RAP1GAP: variants seen among roughly 807,000 people sequenced by gnomAD.
RAP1GAP encodes RAP1 GTPase activating protein, also known as rap1 GTPase-activating protein 1.
RAP1GAP carries 35 observed loss-of-function variants against 87.2 expected under a neutral mutation model. That is an observed-to-expected ratio of 0.40 (90% CI 0.31 to 0.53). The LOEUF (loss-of-function observed/expected upper bound fraction) is 0.53, where lower values mean the gene tolerates loss of function less well. Among genes scored for constraint, RAP1GAP ranks in the 20% least tolerant of loss-of-function variants. The pLI is 0.48. For synonymous variants in RAP1GAP, 375 were observed against 363.9 expected (o/e 1.03, Z -0.35); for missense variants, 734 against 898.9 (o/e 0.82, Z 2.35).
intron 5 of RAP1GAP, among the ~76,000 whole-genome samples, chr1:21,618,772 G>T (rs538183133): frequency 5.9e-5 from 9 of 152,106 alleles, no homozygotes; most frequent in African/African-American, 1.9e-4. Context: ...AGTGAAGACC[G>T]AGAGGAGGAG....
At chr1:21,597,834 C>T in intron 23 of RAP1GAP, 106 bp from the exon 24 acceptor site, 1 of 1,532,886 alleles carries the variant, frequency 6.5e-7, no homozygotes. Context: ...CGGGCAAGCC[C>T]CACCCCTCCT....
At chr1:21,614,643 C>T (rs1226824621) in intron 7 of RAP1GAP, among the ~76,000 whole-genome samples, 1 of 152,188 alleles carries the variant, frequency 6.6e-6, no homozygotes, top group African/African-American at 2.4e-5. Context: ...CCTCCTGTCT[C>T]ACCTGGAGGA....
intron 1 of RAP1GAP, among the ~76,000 whole-genome samples, chr1:21,660,489 A>G (rs1311962304): frequency 6.6e-6 from 1 of 150,986 alleles, no homozygotes; most frequent in African/African-American, 2.4e-5. Flanking sequence ...ACCCGCCACC[A>G]TGCCCGGCTG....
At chr1:21,612,989 C>T (rs574801059) in intron 10 of RAP1GAP, 187 bp downstream of exon 10, 71 of 664,570 alleles carry the variant, frequency 1.1e-4, no homozygotes, top group African/African-American at 3.4e-4. Flanking sequence ...CTGCTGTGCA[C>T]CCTGGGGGAA....
At chr1:21,665,579 TTC>T (rs1271678235) in intron 1 of RAP1GAP, among the ~76,000 whole-genome samples, 5 of 152,212 alleles carry the variant, frequency 3.3e-5, no homozygotes, top group Non-Finnish European at 7.3e-5. Flanking sequence ...AGTGGGACCT[TTC>T]TGTTTTGGGG....
In RAP1GAP at chr1:21,647,259, GA is replaced by G. The variant is rs1163563022; in HGVS notation, c.-113+2501del. 3.9e-5 allele frequency among the ~76,000 whole-genome samples: 6 copies of G among 152,192 alleles called. No homozygotes were observed. In the East Asian group the frequency reaches 9.7e-4, roughly 25 times the overall value. On this transcript the variant is annotated intron_variant, in intron 2 of 24. Transcript: ENST00000374765. ...GAGGATCACTTGAGCTCAGGAGTTC[GA>G]GACCTGACTGGCCAACATGGTGAGA... is the stretch of plus-strand genomic sequence containing the variant.
At chr1:21,600,877 T>C (rs1377027747) in intron 20 of RAP1GAP, among the ~76,000 whole-genome samples, 1 of 6,164 alleles carries the variant, frequency 1.6e-4, no homozygotes, top group Non-Finnish European at 3.4e-4. Context: ...AGAGCAAGAC[T>C]CTGTCTCAAA....
At chr1:21,649,445 C>T (rs984918320) in intron 2 of RAP1GAP, among the ~76,000 whole-genome samples, 6 of 152,162 alleles carry the variant, frequency 3.9e-5, no homozygotes, top group African/African-American at 1.4e-4. Context: ...GTTCTTTTTA[C>T]CTTACACCCT....
intron 1 of RAP1GAP, among the ~76,000 whole-genome samples, chr1:21,652,136 G>GCCGCAGACCCT (rs901744743): frequency 5.7e-5 from 8 of 140,950 alleles, no homozygotes; most frequent in African/African-American, 2.1e-4. Context: ...CCCCGTCCAG[G>GCCGCAGACCCT]CCGCAGACCC....
At chr1:21,662,074 C>A (rs549091306) in intron 1 of RAP1GAP, among the ~76,000 whole-genome samples, 37 of 152,348 alleles carry the variant, frequency 2.4e-4, no homozygotes, top group South Asian at 2.1e-4. Context: ...CCCATACAGA[C>A]CTCTCAGGAC....
At chr1:21,632,326 G>C (rs576696330) in intron 2 of RAP1GAP, among the ~76,000 whole-genome samples, 2 of 152,264 alleles carry the variant, frequency 1.3e-5, no homozygotes, top group Admixed American at 1.3e-4. Context: ...TCTCTGCATC[G>C]AGGTAACAAT....
chr1:21,615,209 C>G lies in RAP1GAP; in HGVS notation c.292-1120G>C, dbSNP rs532376797. On this transcript the variant is annotated intron_variant, in intron 7 of 24. Coordinates refer to ENST00000374765, the MANE Select transcript of RAP1GAP (RefSeq NM_002885.4). The surrounding 1 kb of genome is among the most constrained non-coding windows in gnomAD (Gnocchi z 4.5). ...CCGGGACACAGTGGGAGAGCGGGCT[C>G]AGGGTCCCAGGAAGTCAACGCCCAA... 9.2e-5 allele frequency among the ~76,000 whole-genome samples: 14 copies of G among 152,292 alleles called. No homozygotes were observed. Among genetic ancestry groups the G allele is most frequent in the African/African-American group, 2.6e-4 (11 of 41,560 alleles).
intron 20 of RAP1GAP, 58 bp from the exon 21 acceptor site, chr1:21,599,675 C>A: frequency 6.4e-7 from 1 of 1,566,250 alleles, no homozygotes. Flanking sequence ...CTGGGCCAGG[C>A]CCTCACTCCC....
Position 21,598,517 on chromosome 1 carries a change from G to A in RAP1GAP, c.1777-15C>T, listed in dbSNP as rs1193617584. On this transcript the variant is annotated splice_polypyrimidine_tract_variant and intron_variant, in intron 21 of 24. Transcript: ENST00000374765. ...GACACGCTCTCCTGGGGAGGGGGTG[G>A]AAAGAGGGAGGGAGGTTAGCCTATG... The A allele has an allele frequency of 1.3e-6, 2 of 1,597,146 alleles. No homozygotes were observed. Among genetic ancestry groups the A allele is most frequent in the African/African-American group, 1.3e-5 (1 of 74,648 alleles).
chr1:21,619,017 C>A lies in RAP1GAP; in HGVS notation c.66+8G>T, dbSNP rs1168685836. Reference sequence around the variant, plus strand: ...TAGAGAGGGAGGCAGACTGCCAGGCCCACCTACTTTGAGGGGCGGCGGGAA... The same window carrying A: ...TAGAGAGGGAGGCAGACTGCCAGGCACACCTACTTTGAGGGGCGGCGGGAA... On this transcript the variant is annotated splice_region_variant and intron_variant, in intron 5 of 24. Coordinates refer to ENST00000374765, the MANE Select transcript of RAP1GAP (RefSeq NM_002885.4). 2 of 1,594,868 alleles carry A rather than the reference C, an allele frequency of 1.3e-6. No homozygotes were observed. The highest frequency in any genetic ancestry group is 4.5e-5 in the East Asian group (2 of 44,378).
At position 21,617,156 on chromosome 1, in the gene RAP1GAP, G is replaced by C. The variant is rs534489238; in HGVS notation, c.291+150C>G. ...GCCATGCATGTTCCCTGGGGACTGG[G>C]AGTGTGTGTGGTGGGAGCACATTCA... On this transcript the variant is annotated intron_variant, in intron 7 of 24. Transcript: ENST00000374765. 118 of 846,380 alleles carry C rather than the reference G, an allele frequency of 1.4e-4. 1 individual carries two copies. The South Asian group carries it at 2.0e-3, about 14-fold the overall frequency. The allele number at this position is 846,380 out of a possible 1,614,324, so 52.4% of individuals were successfully genotyped here.
intron 16 of RAP1GAP, 138 bp from the exon 17 acceptor site, chr1:21,608,488 C>T (rs2076219148): frequency 5.9e-6 from 7 of 1,192,058 alleles, no homozygotes; most frequent in African/African-American, 1.5e-5. Flanking sequence ...AGGGCTCCTG[C>T]ACCGCCTTCC....
At chr1:21,606,838 C>T (rs1329260693) in intron 17 of RAP1GAP, among the ~76,000 whole-genome samples, 1 of 152,220 alleles carries the variant, frequency 6.6e-6, no homozygotes, top group Non-Finnish European at 1.5e-5. Context: ...CCCATGCCCT[C>T]AACTCTGGAC....
chr1:21,656,209 A>G (rs1256278), intron 1 of RAP1GAP, among the ~76,000 whole-genome samples: 78,930 of 151,896 alleles, frequency 0.52, 20,980 homozygotes, highest in East Asian at 0.69. Flanking sequence ...GAGGCAGGTG[A>G]ATCATGAGGT....
Sources: gnomAD v4.1 joint callset for allele counts (sites outside exome capture counted in the v4.1 genomes callset) on GRCh38, gnomAD v4.1.1 for gene constraint, Gnocchi (gnomAD v3.1) non-coding constraint, MANE v1.5 for transcripts, NCBI Gene and HGNC (gene_info 2026-07-23, HGNC 2026-07-21) for gene names.